The following CFAP74 variants were observed in gnomAD, a reference collection of about 807,000 sequenced individuals.
CFAP74 encodes cilia and flagella associated protein 74.
A neutral mutation model predicts 188.9 loss-of-function variants in CFAP74; 124 were observed. The observed-to-expected ratio is 0.66, with a 90% CI of 0.57 to 0.76. CFAP74 has a LOEUF of 0.76. Among genes scored for constraint, CFAP74 ranks in the 30% least tolerant of loss-of-function variants. The pLI, the probability that CFAP74 is intolerant of heterozygous loss-of-function variation, is 0.00. For missense variants in CFAP74, 2,198 were observed against 2,165.2 expected, an observed-to-expected ratio of 1.02 and a Z score of -0.30; for synonymous variants, 956 against 916.7, an observed-to-expected ratio of 1.04 and a Z score of -0.77.
At chr1:1,994,686 G>A (rs1005478095) in intron 1 of CFAP74, among the ~76,000 whole-genome samples, 1 of 152,202 alleles carries the variant, frequency 6.6e-6, no homozygotes, top group Non-Finnish European at 1.5e-5. Flanking sequence ...ACACCCCGTG[G>A]ATGTCAGTCT....
intron 18 of CFAP74, among the ~76,000 whole-genome samples, chr1:1,948,942 T>TTTCCTTC (rs1653993350): frequency 2.9e-5 from 1 of 34,356 alleles, no homozygotes; most frequent in African/African-American, 6.9e-5. Context: ...TTTCCTCCCT[T>TTTCCTTC]CCTTTCCCTC....
chr1:1,967,520 G>A (rs1247087299), intron 11 of CFAP74, among the ~76,000 whole-genome samples: 1 of 152,142 alleles, frequency 6.6e-6, no homozygotes, highest in Non-Finnish European at 1.5e-5. Flanking sequence ...CGGGTGCAAA[G>A]GCCCCGGCGT....
intron 14 of CFAP74, among the ~76,000 whole-genome samples, chr1:1,962,161 A>G (rs1004181307): frequency 4.6e-5 from 7 of 152,244 alleles, no homozygotes; most frequent in Non-Finnish European, 8.8e-5. Flanking sequence ...AGTAGAAGAG[A>G]AAGAACTTTC....
At chr1:1,924,572 C>T in intron 33 of CFAP74, 52 bp from the exon 34 acceptor site, 2 of 1,560,088 alleles carry the variant, frequency 1.3e-6, no homozygotes, top group South Asian at 2.4e-5. Context: ...CTGGCTGCCC[C>T]CTTCCTGTCG....
chr1:1,956,921 A>G, intron 16 of CFAP74, 137 bp from the exon 17 acceptor site: 1 of 868,926 alleles, frequency 1.2e-6, no homozygotes, highest in Non-Finnish European at 1.8e-6. Context: ...CAGGTACACG[A>G]TTCAACCCAG....
intron 22 of CFAP74, among the ~76,000 whole-genome samples, chr1:1,941,204 A>C (rs2102046382): frequency 6.6e-6 from 1 of 152,344 alleles, no homozygotes; most frequent in South Asian, 2.1e-4. Context: ...CGGCGGGGGC[A>C]AGTCCAGGAA....
At position 1,940,421 on chromosome 1, in the gene CFAP74, G is replaced by A. The variant is rs1426652915; in HGVS notation, c.2616-18C>T. 6.7e-7 allele frequency: 1 copy of A among 1,485,470 alleles called. No homozygotes were observed. Among genetic ancestry groups the A allele is most frequent in the Non-Finnish European group, 9.0e-7 (1 of 1,111,616 alleles). 92.0% of individuals were successfully genotyped at this position (1,485,470 alleles called of 1,614,324 possible). A position where few individuals can be genotyped will look rare whatever the true frequency, so the allele number is the denominator to read the frequency against. On this transcript the variant is annotated intron_variant, in intron 22 of 38. Coordinates refer to ENST00000682832, the MANE Select transcript of CFAP74 (RefSeq NM_001304360.2). ...GGGAGTGTCTGAAAGAGGCAGACAAGGCGAATGTGCTTTCCTCTTTCCATT... is the reference window on the plus strand; with the variant it reads ...GGGAGTGTCTGAAAGAGGCAGACAAAGCGAATGTGCTTTCCTCTTTCCATT...
intron 33 of CFAP74, among the ~76,000 whole-genome samples, chr1:1,925,094 T>A (rs981818456): frequency 3.5e-5 from 5 of 141,846 alleles, no homozygotes; most frequent in African/African-American, 5.4e-5. Flanking sequence ...GGGCACACAC[T>A]GGTGCGAAGG....
intron 9 of CFAP74, among the ~76,000 whole-genome samples, chr1:1,971,166 T>C (rs571879911): frequency 6.2e-5 from 9 of 146,008 alleles, no homozygotes; most frequent in South Asian, 4.4e-4. Flanking sequence ...TGGACACACA[T>C]GCACACCTGC....
chr1:1,988,436 C>A, intron 4 of CFAP74, 76 bp downstream of exon 4: 1 of 1,572,046 alleles, frequency 6.4e-7, no homozygotes, highest in South Asian at 1.1e-5. Flanking sequence ...AGGTACAGGA[C>A]CACCCCTGCT....
rs565829191 is a variant in CFAP74 at position 1,955,327 on chromosome 1, G to A, written c.2176+364C>T. 4.8e-4 allele frequency: 634 copies of A among 1,312,776 alleles called. 4 individuals carry two copies. The African/African-American group carries it at 7.5e-3, about 16-fold the overall frequency. The allele number at this position is 1,312,776 out of a possible 1,614,324, so 81.3% of individuals were successfully genotyped here. A position where few individuals can be genotyped will look rare whatever the true frequency, so the allele number is the denominator to read the frequency against. On this transcript the variant is annotated intron_variant, in intron 18 of 38. Transcript: ENST00000682832. ...TCGGCACCTCTCCCCGCTGGTGCGCGTCTAACAACAGCCACAGCTGCAGAG... is the reference window on the plus strand; with the variant it reads ...TCGGCACCTCTCCCCGCTGGTGCGCATCTAACAACAGCCACAGCTGCAGAG...
chr1:1,962,154 A>G (rs1655131330), intron 14 of CFAP74, among the ~76,000 whole-genome samples: 1 of 152,268 alleles, frequency 6.6e-6, no homozygotes, highest in Admixed American at 6.5e-5. Flanking sequence ...AGCAGGAAGT[A>G]GAAGAGAAAG....
At chr1:1,961,076 C>T (rs1490350981) in intron 14 of CFAP74, among the ~76,000 whole-genome samples, 1 of 152,166 alleles carries the variant, frequency 6.6e-6, no homozygotes, top group Non-Finnish European at 1.5e-5. Flanking sequence ...GCAATTTCAA[C>T]CGTTGATTAG....
intron 24 of CFAP74, 26 bp downstream of exon 24, chr1:1,939,568 A>G: frequency 6.5e-6 from 10 of 1,527,720 alleles, no homozygotes; most frequent in Non-Finnish European, 8.8e-6. Flanking sequence ...CACCCCTCTT[A>G]CCCCAGGCCT....
At chr1:1,950,718 A>G (rs1357531935) in intron 18 of CFAP74, among the ~76,000 whole-genome samples, 1 of 152,038 alleles carries the variant, frequency 6.6e-6, no homozygotes. Flanking sequence ...TTTTTATCGG[A>G]TTTGTGATTT....
Position 1,922,397 on chromosome 1 carries a change from G to C in CFAP74, c.4819-9C>G. 1.2e-6 allele frequency: 2 copies of C among 1,600,560 alleles called. No individual in the cohort carries two copies. Among genetic ancestry groups the C allele is most frequent in the Non-Finnish European group, 1.7e-6 (2 of 1,175,132 alleles). ...ATGAGTGGGTGGTCTGGCTGGAACA[G>C]GAGGGGAGGGGAGAAGAGGCCTTCA... On this transcript the variant is annotated splice_polypyrimidine_tract_variant and intron_variant, in intron 38 of 38. Transcript: ENST00000682832.
Position 1,942,815 on chromosome 1 carries a change from C to T in CFAP74, c.2487-659G>A, listed in dbSNP as rs895210304. Among the ~76,000 whole-genome samples, 1 of 152,200 alleles carries T rather than the reference C, an allele frequency of 6.6e-6. No homozygotes were observed. Among genetic ancestry groups the T allele is most frequent in the Non-Finnish European group, 1.5e-5 (1 of 68,036 alleles). On this transcript the variant is annotated intron_variant, in intron 21 of 38. Coordinates refer to ENST00000682832, the MANE Select transcript of CFAP74 (RefSeq NM_001304360.2). This position sits in a 1 kb window ranked among gnomAD's most constrained non-coding sequence, Gnocchi z 4.3. ...CCTCTGCTAAACAGTGTTGTGGCCG[C>T]CCCGCCACAGCTGCCCCGGGCAATC...
At position 1,946,993 on chromosome 1, in the gene CFAP74, C is replaced by T. The variant is rs1265994543; in HGVS notation, c.2238G>A (p.Gly746=). 30 of 1,535,236 alleles carry T rather than the reference C, an allele frequency of 2.0e-5. No homozygotes were observed. In the Admixed American group the frequency reaches 5.5e-4, roughly 28 times the overall value. Residue 746 remains glycine, a synonymous_variant, in exon 19 of 39, where the codon GGG becomes GGA. Transcript: ENST00000682832. ...PSEEQTEITL[G]EVTEGEIGPF... is the part of the protein sequence containing the mutation. ...TTTAGGGCCTGAGCTGGCTGACCTC[C>T]CCCAGCGTGATCTCCGTCTGCTCTT...
At chr1:1,977,987 T>G (rs1474983290) in intron 6 of CFAP74, among the ~76,000 whole-genome samples, 1 of 152,204 alleles carries the variant, frequency 6.6e-6, no homozygotes, top group East Asian at 1.9e-4. Context: ...TAGCTGGGAT[T>G]ACAGGTGCAC....
Sources: allele counts gnomAD v4.1 joint callset (sites outside exome capture counted in the v4.1 genomes callset), GRCh38; gene constraint gnomAD v4.1.1; non-coding constraint Gnocchi (gnomAD v3.1); transcripts MANE v1.5; gene names NCBI Gene and HGNC (gene_info 2026-07-23, HGNC 2026-07-21).